The following PPARGC1A variants were observed in gnomAD, a reference collection of about 807,000 sequenced individuals.
PPARGC1A encodes the protein peroxisome proliferator-activated receptor gamma coactivator 1-alpha.
Under a neutral mutation model 88.7 loss-of-function variants are expected in PPARGC1A, and 25 were observed. That is an observed-to-expected ratio of 0.28 (90% CI 0.21 to 0.39). PPARGC1A has a LOEUF of 0.39. Ranked by LOEUF, PPARGC1A falls within the 10% of genes least tolerant of loss-of-function variation. PPARGC1A has a pLI of 1.00. For synonymous variants in PPARGC1A, 363 were observed against 355.6 expected (o/e 1.02, Z -0.24); for missense variants, 880 against 968.7 (o/e 0.91, Z 1.22).
the PPARGC1A span, among the ~76,000 whole-genome samples, chr4:24,080,784 G>A: frequency 6.6e-6 from 1 of 152,056 alleles, no homozygotes; most frequent in Non-Finnish European, 1.5e-5. Flanking sequence ...ATATATTCAA[G>A]GTTATCCAGC....
the PPARGC1A span, among the ~76,000 whole-genome samples, chr4:24,079,467 T>C: frequency 2.1e-5 from 3 of 143,764 alleles, no homozygotes; most frequent in African/African-American, 7.6e-5. Context: ...AATGTGAGGT[T>C]ATTTCTTATT....
intron 2 of PPARGC1A, among the ~76,000 whole-genome samples, chr4:23,836,695 G>T (rs1179192484): frequency 2.6e-5 from 4 of 152,114 alleles, no homozygotes; most frequent in Non-Finnish European, 5.9e-5. Context: ...AAGAAGATAG[G>T]TTCTGGCCCT....
the PPARGC1A span, among the ~76,000 whole-genome samples, chr4:24,380,225 G>A: frequency 6.6e-6 from 1 of 152,034 alleles, no homozygotes; most frequent in Non-Finnish European, 1.5e-5. Context: ...AACTCAAGGT[G>A]GAAATTCAGG....
chr4:24,470,559 G>A, the PPARGC1A span, among the ~76,000 whole-genome samples: 25 of 152,196 alleles, frequency 1.6e-4, no homozygotes, highest in Non-Finnish European at 2.9e-4. The surrounding 1 kb of genome is among the most constrained non-coding windows in gnomAD (Gnocchi z 5.8). Context: ...TCCAGCGCCG[G>A]CCCGACCACC....
At chr4:24,390,514 T>A in the PPARGC1A span, among the ~76,000 whole-genome samples, 10 of 152,244 alleles carry the variant, frequency 6.6e-5, no homozygotes, top group Admixed American at 4.6e-4. Context: ...TTTATATGCA[T>A]GTTATGCACA....
chr4:24,253,891 C>T, the PPARGC1A span, among the ~76,000 whole-genome samples: 1 of 152,162 alleles, frequency 6.6e-6, no homozygotes, highest in Non-Finnish European at 1.5e-5. Flanking sequence ...ATGGAATCCA[C>T]GCTATGTTAA....
In PPARGC1A at chr4:23,795,013, T is replaced by A. The variant is rs1717254062; in HGVS notation, c.*809A>T. 1 of 148,898 alleles carries A rather than the reference T, an allele frequency of 6.7e-6. No individual in the cohort carries two copies. The highest frequency in any genetic ancestry group is 2.2e-4 in the South Asian group (1 of 4,644). The allele number at this position is 148,898 out of a possible 1,614,324, so 9.2% of individuals were successfully genotyped here. On this transcript the variant is annotated 3_prime_UTR_variant, in exon 13 of 13. Transcript: ENST00000264867. ...GCATTCTGGTGCCCGCAGTATCCTC[T>A]CCCACCCAGATTCCATGGCAAAAGG...
the PPARGC1A span, among the ~76,000 whole-genome samples, chr4:24,437,897 G>C: frequency 2.6e-5 from 4 of 151,898 alleles, no homozygotes; most frequent in South Asian, 8.3e-4. Flanking sequence ...GGCTGGTCTC[G>C]AACTCCTGAC....
At chr4:23,908,154 T>C (rs1720292965), upstream of PPARGC1A, among the ~76,000 whole-genome samples, 1 of 152,242 alleles carries the variant, frequency 6.6e-6, no homozygotes, top group African/African-American at 2.4e-5. Context: ...CAAGTGTAAC[T>C]CTTTAAGAGA....
the PPARGC1A span, among the ~76,000 whole-genome samples, chr4:23,927,710 T>C: frequency 6.6e-6 from 1 of 152,180 alleles, no homozygotes; most frequent in Non-Finnish European, 1.5e-5. Context: ...AACTAAGGCA[T>C]TGAGAATAAC....
At chr4:24,451,229 T>C in the PPARGC1A span, among the ~76,000 whole-genome samples, 1 of 152,220 alleles carries the variant, frequency 6.6e-6, no homozygotes, top group Non-Finnish European at 1.5e-5. Flanking sequence ...CTGTGTCTTA[T>C]TGACTGGAAT....
chr4:24,102,087 A>T, the PPARGC1A span, among the ~76,000 whole-genome samples: 1 of 152,210 alleles, frequency 6.6e-6, no homozygotes, highest in Admixed American at 6.5e-5. Context: ...CCCTGCCCCA[A>T]CATAGCTTCA....
At chr4:24,216,829 G>C in the PPARGC1A span, among the ~76,000 whole-genome samples, 1 of 152,166 alleles carries the variant, frequency 6.6e-6, no homozygotes, top group African/African-American at 2.4e-5. Context: ...CCTGAGAAGA[G>C]AGTATTCAAC....
the PPARGC1A span, among the ~76,000 whole-genome samples, chr4:24,302,883 A>G: frequency 1.3e-5 from 2 of 152,224 alleles, no homozygotes; most frequent in African/African-American, 4.8e-5. Context: ...TCTAAATGAA[A>G]AAGAAAACCA....
At chr4:24,297,729 C>G in the PPARGC1A span, among the ~76,000 whole-genome samples, 7 of 152,150 alleles carry the variant, frequency 4.6e-5, no homozygotes, top group African/African-American at 1.7e-4. Flanking sequence ...GAGAATCCCA[C>G]TGTACACCAG....
chr4:24,451,894 T>C, the PPARGC1A span, among the ~76,000 whole-genome samples: 1 of 152,180 alleles, frequency 6.6e-6, no homozygotes, highest in African/African-American at 2.4e-5. Flanking sequence ...TAATTTTATG[T>C]GTCAATTTGA....
At chr4:24,125,021 A>T in the PPARGC1A span, among the ~76,000 whole-genome samples, 226 of 152,300 alleles carry the variant, frequency 1.5e-3, 3 homozygotes, top group Middle Eastern at 0.014. Flanking sequence ...TTAATCCAGG[A>T]AACTCCTAAA....
the PPARGC1A span, among the ~76,000 whole-genome samples, chr4:24,362,927 C>T: frequency 3.9e-5 from 6 of 152,200 alleles, no homozygotes; most frequent in South Asian, 2.1e-4. Flanking sequence ...TTTCCTAAAA[C>T]TCGTTGAAAC....
At chr4:23,943,476 T>C in the PPARGC1A span, among the ~76,000 whole-genome samples, 6 of 151,932 alleles carry the variant, frequency 3.9e-5, no homozygotes, top group Non-Finnish European at 8.8e-5. Context: ...TTTAAGGATA[T>C]TTGTAAAGGA....
Sources: allele counts gnomAD v4.1 joint callset (sites outside exome capture counted in the v4.1 genomes callset), GRCh38; gene constraint gnomAD v4.1.1; non-coding constraint Gnocchi (gnomAD v3.1); transcripts MANE v1.5; gene names NCBI Gene and HGNC (gene_info 2026-07-23, HGNC 2026-07-21).